ACACA: variants seen among roughly 807,000 people sequenced by gnomAD.
ACACA encodes acetyl-CoA carboxylase 1.
Under a neutral mutation model 296.1 loss-of-function variants are expected in ACACA, and 103 were observed. That is an observed-to-expected ratio of 0.35 (90% CI 0.30 to 0.41). The LOEUF (loss-of-function observed/expected upper bound fraction) is 0.41. ACACA is among the 10% of genes least tolerant of loss of function. ACACA has a pLI of 1.00. For synonymous variants in ACACA, 953 were observed against 1,038.6 expected (o/e 0.92, Z 1.58); for missense variants, 1,554 against 2,989.7 (o/e 0.52, Z 11.20).
In ACACA at chr17:37,090,179, G is replaced by A. The variant is rs535035477; in HGVS notation, c.6892-1105C>T. On this transcript the variant is annotated intron_variant, in intron 54 of 55. Coordinates refer to ENST00000616317, the MANE Select transcript of ACACA (RefSeq NM_198834.3). Reference sequence around the variant, plus strand: ...GTGACTACTGGGCTGCAGAGGAAATGTCTTCATCACAAGAGGCCTCAAGCA... The same window carrying A: ...GTGACTACTGGGCTGCAGAGGAAATATCTTCATCACAAGAGGCCTCAAGCA... 3.3e-5 allele frequency among the ~76,000 whole-genome samples: 5 copies of A among 152,292 alleles called. No individual in the cohort carries two copies. In the East Asian group the frequency reaches 7.7e-4, roughly 24 times the overall value.
intron 45 of ACACA, chr17:37,143,766 C>T: frequency 2.0e-6 from 2 of 976,482 alleles, no homozygotes; most frequent in South Asian, 2.6e-5. Flanking sequence ...CTTTTTCGGC[C>T]TTGGCAACTC....
At chr17:37,144,069 T>A (rs1174546832) in intron 45 of ACACA, 1 of 764,220 alleles carries the variant, frequency 1.3e-6, no homozygotes, top group South Asian at 1.4e-5. Context: ...GGACGTAGGT[T>A]TTCATTTCTC....
intron 41 of ACACA, chr17:37,163,196 TAA>T (rs80294939): frequency 5.1e-4 from 30 of 59,284 alleles, no homozygotes; most frequent in East Asian, 9.7e-4. Flanking sequence ...GTCACGGTGC[TAA>T]AAAAAAAAAA....
intron 45 of ACACA, chr17:37,143,806 G>C: frequency 8.2e-7 from 1 of 1,219,212 alleles, no homozygotes; most frequent in Non-Finnish European, 1.2e-6. Flanking sequence ...CTTTCCTTTA[G>C]CTCAATATGC....
At chr17:37,252,749 C>T in intron 15 of ACACA, 137 bp downstream of exon 15, 1 of 1,153,784 alleles carries the variant, frequency 8.7e-7, no homozygotes, top group East Asian at 2.3e-5. Context: ...GCTAAAATTA[C>T]ACTGACTCCT....
chr17:37,178,447 T>C (rs923346660), intron 41 of ACACA, among the ~76,000 whole-genome samples: 1 of 152,116 alleles, frequency 6.6e-6, no homozygotes, highest in African/African-American at 2.4e-5. Context: ...CACTGAAAAA[T>C]GCATTTATTA....
chr17:37,161,157 G>A (rs1567741926), intron 42 of ACACA, among the ~76,000 whole-genome samples: 1 of 152,126 alleles, frequency 6.6e-6, no homozygotes, highest in Non-Finnish European at 1.5e-5. Flanking sequence ...GAGAGGGAGT[G>A]ACCAAAGGAT....
chr17:37,159,136 C>T (rs1021905432), intron 42 of ACACA, among the ~76,000 whole-genome samples: 4 of 151,806 alleles, frequency 2.6e-5, no homozygotes, highest in African/African-American at 9.7e-5. Context: ...TATGAATGTG[C>T]CACTGTACTC....
intron 12 of ACACA, 30 bp downstream of exon 12, chr17:37,259,330 G>C: frequency 1.2e-6 from 2 of 1,613,638 alleles, no homozygotes; most frequent in Non-Finnish European, 1.7e-6. Flanking sequence ...GACTTTTCTA[G>C]GCTCTGCAAC....
chr17:37,286,445 C>T (rs1033027845), intron 3 of ACACA, among the ~76,000 whole-genome samples: 7 of 152,202 alleles, frequency 4.6e-5, no homozygotes, highest in African/African-American at 1.7e-4. Flanking sequence ...CCCTTTTATG[C>T]TGTGCTCTGT....
At position 37,224,132 on chromosome 17, in the gene ACACA, G is replaced by A. The variant is rs180994958; in HGVS notation, c.3475-531C>T. 1.6e-3 allele frequency among the ~76,000 whole-genome samples: 249 copies of A among 152,308 alleles called. 2 individuals are homozygous for A. The highest frequency in any genetic ancestry group is 5.7e-3 in the African/African-American group (239 of 41,578). On this transcript the variant is annotated intron_variant, in intron 27 of 55. Transcript: ENST00000616317. ...CACAAGAATCGCTTGAACTCAGGAG[G>A]TGGAGGTTGCAGTGAGCCGAGATTA...
At chr17:37,117,360 A>G (rs895858995) in intron 50 of ACACA, among the ~76,000 whole-genome samples, 2 of 152,222 alleles carry the variant, frequency 1.3e-5, no homozygotes, top group African/African-American at 4.8e-5. Flanking sequence ...TTCCAGTTAA[A>G]GTTTTCAATA....
Position 37,155,819 on chromosome 17 carries a change from T to C in ACACA, c.5350-39A>G, listed in dbSNP as rs200702846. On this transcript the variant is annotated intron_variant, in intron 42 of 55. Transcript: ENST00000616317. ...ATAGTTTTTAACTCATTATTTGCCA[T>C]TGTCATATAATCAGAAGATACAGCA... 36 of 1,334,200 alleles carry C rather than the reference T, an allele frequency of 2.7e-5. 1 individual carries two copies. The highest frequency in any genetic ancestry group is 3.6e-4 in the Middle Eastern group (2 of 5,542). 82.6% of individuals were successfully genotyped at this position (1,334,200 alleles called of 1,614,324 possible). A position where few individuals can be genotyped will look rare whatever the true frequency, so the allele number is the denominator to read the frequency against.
intron 45 of ACACA, 54 bp from the exon 46 acceptor site, chr17:37,130,272 G>C: frequency 1.2e-6 from 2 of 1,605,740 alleles, no homozygotes; most frequent in South Asian, 2.2e-5. Flanking sequence ...TAAAGGCATG[G>C]TCGATTTCAC....
At chr17:37,362,728 T>G (rs564685564) in intron 1 of ACACA, among the ~76,000 whole-genome samples, 1 of 152,114 alleles carries the variant, frequency 6.6e-6, no homozygotes, top group East Asian at 1.9e-4. Flanking sequence ...CCCAGCACTT[T>G]GGGAGGCCGA....
At chr17:37,316,263 C>T (rs899765502) in intron 3 of ACACA, among the ~76,000 whole-genome samples, 1 of 151,232 alleles carries the variant, frequency 6.6e-6, no homozygotes, top group East Asian at 1.9e-4. Context: ...TTCACTGATA[C>T]TTCTGCACAT....
intron 43 of ACACA, 37 bp downstream of exon 43, chr17:37,155,646 A>T: frequency 7.4e-7 from 1 of 1,343,050 alleles, no homozygotes; most frequent in Non-Finnish European, 1.1e-6. Context: ...TCCTTTCTTT[A>T]GTCATGACCA....
intron 1 of ACACA, among the ~76,000 whole-genome samples, chr17:37,360,571 G>A (rs934477283): frequency 6.6e-6 from 1 of 152,170 alleles, no homozygotes; most frequent in Non-Finnish European, 1.5e-5. Context: ...TGAGGTGGGT[G>A]GATGGCTTGA....
intron 1 of ACACA, chr17:37,388,635 C>A (rs1398112802): frequency 1.9e-6 from 3 of 1,598,390 alleles, no homozygotes; most frequent in Non-Finnish European, 2.6e-6. Context: ...CTCAAATTTT[C>A]TTTTCTCCCT....
Sources: allele counts gnomAD v4.1 joint callset (sites outside exome capture counted in the v4.1 genomes callset), GRCh38; gene constraint gnomAD v4.1.1; transcripts MANE v1.5; gene names NCBI Gene and HGNC (gene_info 2026-07-23, HGNC 2026-07-21).